EXOC3L1: variants seen among roughly 807,000 people sequenced by gnomAD.
The protein encoded by EXOC3L1 is exocyst complex component 3-like protein.
EXOC3L1 carries 79 observed loss-of-function variants against 83.6 expected under a neutral mutation model. The observed-to-expected ratio is 0.95, with a 90% CI of 0.79 to 1.14. The LOEUF is 1.14. Ranked by LOEUF, EXOC3L1 falls within the 50% of genes most tolerant of loss-of-function variation. The pLI is 0.00. For missense variants in EXOC3L1, 945 were observed against 972.0 expected, an observed-to-expected ratio of 0.97 and a Z score of 0.37; for synonymous variants, 433 against 451.2, an observed-to-expected ratio of 0.96 and a Z score of 0.51.
At chr16:67,186,190 C>G (rs749109095) in intron 9 of EXOC3L1, 47 bp downstream of exon 9, 4 of 1,312,206 alleles carry the variant, frequency 3.0e-6, no homozygotes, top group Non-Finnish European at 4.3e-6. Flanking sequence ...AATAGGTACT[C>G]AATAGGGGGT....
rs138980940 is a variant in EXOC3L1 at position 67,187,369 on chromosome 16, G to A, written c.896C>T (p.Pro299Leu). The change falls in exon 5 of 14, where the codon CCG becomes CTG. Residue 299 changes from proline (P) to leucine (L), a missense_variant. Pro to Leu is a moderately conservative substitution (Grantham distance 98, BLOSUM62 -3). Coordinates refer to ENST00000314586, the MANE Select transcript of EXOC3L1 (RefSeq NM_178516.4). ...TAGCTGGACCACGTTGTACTGTGGC[G>A]GGCAGCAAGGCGCTACTAGTGCCTC... ...TAEALVAPCC[P>L]PQYNVVQLWA... The A allele has an allele frequency of 2.6e-4, 414 of 1,612,636 alleles. 1 individual carries two copies. Among genetic ancestry groups the A allele is most frequent in the Non-Finnish European group, 3.2e-4 (383 of 1,180,002 alleles).
Position 67,189,969 on chromosome 16 carries a change from A to G in EXOC3L1, c.-8+2T>C. The G allele has an allele frequency of 2.4e-6, 1 of 424,876 alleles. No homozygotes were observed. The highest frequency in any genetic ancestry group is 4.3e-6 in the Non-Finnish European group (1 of 234,584). The allele number at this position is 424,876 out of a possible 1,614,324, so 26.3% of individuals were successfully genotyped here. On this transcript the variant is annotated splice_donor_variant, in intron 1 of 13. Transcript: ENST00000314586. LOFTEE classifies it low-confidence loss of function (5UTR_SPLICE). ...CACAGGACAGTTTGGTACAGAACTT[A>G]CCAGATTTGATCAGGCGTCCAGTTC...
At chr16:67,189,405 G>A (rs1047645286) in intron 2 of EXOC3L1, among the ~76,000 whole-genome samples, 6 of 152,136 alleles carry the variant, frequency 3.9e-5, no homozygotes, top group Non-Finnish European at 8.8e-5. Flanking sequence ...GTCTCCCGAG[G>A]AGCTGGGATT....
chr16:67,188,327 A>G (rs1254703650), intron 4 of EXOC3L1, among the ~76,000 whole-genome samples: 4 of 152,192 alleles, frequency 2.6e-5, no homozygotes, highest in African/African-American at 9.7e-5. Flanking sequence ...ATCTAAGAGG[A>G]TCTTGGCAAT....
Position 67,186,340 on chromosome 16 carries a change from C to T in EXOC3L1, c.1393G>A (p.Asp465Asn). The T allele has an allele frequency of 6.4e-7, 1 of 1,560,668 alleles. No individual in the cohort carries two copies. The highest frequency in any genetic ancestry group is 8.7e-7 in the Non-Finnish European group (1 of 1,151,486). ...ELGTFLRSFS[D>N]ALIRFSRDHF... is the part of the protein sequence containing the mutation. ...TCTCGGGAGAATCGGATCAGAGCAT[C>T]ACTGAAGCTGCAATGGGCAGAGGTG... Residue 465 changes from aspartate (D) to asparagine (N), a missense_variant, in exon 9 of 14, where the codon GAT becomes AAT. Asp to Asn is a conservative substitution (Grantham distance 23). Transcript: ENST00000314586.
intron 2 of EXOC3L1, 61 bp downstream of exon 2, chr16:67,189,570 C>G: frequency 6.3e-7 from 1 of 1,598,468 alleles, no homozygotes; most frequent in Non-Finnish European, 8.6e-7. Flanking sequence ...AGCCACTGCG[C>G]CCAGCCAGTC....
At position 67,189,145 on chromosome 16, in the gene EXOC3L1, G is replaced by C. The variant is rs1330487031; in HGVS notation, c.82C>G (p.Leu28Val). Reference protein sequence around the residue: ...EWPEQERAEQLARGAALKWAS... With the variant: ...EWPEQERAEQVARGAALKWAS... Reference sequence around the variant, plus strand: ...CACTTGAGCGCTGCACCCCGGGCCAGCTGCTCTGCCCGCTCCTGCTCTGGC... The same window carrying C: ...CACTTGAGCGCTGCACCCCGGGCCACCTGCTCTGCCCGCTCCTGCTCTGGC... Residue 28 changes from leucine to valine, a missense_variant, in exon 3 of 14, where the codon CTG becomes GTG. Physicochemically the swap from Leu to Val is conservative, Grantham distance 32 (BLOSUM62 1). Coordinates refer to ENST00000314586, the MANE Select transcript of EXOC3L1 (RefSeq NM_178516.4). The C allele has an allele frequency of 1.9e-6, 3 of 1,606,608 alleles. No homozygotes were observed. In the Admixed American group the frequency reaches 5.0e-5, roughly 27 times the overall value.
Position 67,189,063 on chromosome 16 carries a change from C to T in EXOC3L1, c.164G>A (p.Ser55Asn). ...EQLARLGQYR[S>N]REVQRTCSLE... ...GGAGCAGGTACGCTGCACCTCGCGG[C>T]TGCGGTACTGGCCTAGCCTGGCCAG... The change falls in exon 3 of 14, where the codon AGC (serine) becomes AAC (asparagine). Residue 55 changes from serine to asparagine, a missense_variant. By Grantham distance (46) the Ser-to-Asn change is conservative. Transcript: ENST00000314586. 1 of 1,607,254 alleles carries T rather than the reference C, an allele frequency of 6.2e-7. No homozygotes were observed. The highest frequency in any genetic ancestry group is 1.1e-5 in the South Asian group (1 of 90,640).
In EXOC3L1 at chr16:67,187,117, C is replaced by T; in HGVS notation, c.1062G>A (p.Leu354=). ...VYLGQEMMGS[L]ELGPEADVSQ... is the part of the protein sequence containing the mutation. ...ACACATCAGCCTCAGGCCCCAACTC[C>T]AGGCTCCCCATCATTTCCTGCCTGG... The change falls in exon 6 of 14, where the codon CTG becomes CTA. Residue 354 remains leucine (L), a synonymous_variant. Coordinates refer to ENST00000314586, the MANE Select transcript of EXOC3L1 (RefSeq NM_178516.4). 1.2e-6 allele frequency: 2 copies of T among 1,613,440 alleles called. No individual in the cohort carries two copies. Among genetic ancestry groups the T allele is most frequent in the East Asian group, 2.2e-5 (1 of 44,886 alleles).
chr16:67,189,880 G>C, intron 1 of EXOC3L1, 91 bp downstream of exon 1: 1 of 604,436 alleles, frequency 1.7e-6, no homozygotes, highest in Non-Finnish European at 3.0e-6. Flanking sequence ...TCGTGCCCCT[G>C]CAGATGTCAA....
Position 67,189,631 on chromosome 16 carries a change from C to T in EXOC3L1, c.46G>A (p.Gly16Arg), listed in dbSNP as rs764888580. Residue 16 changes from glycine (G) to arginine (R), a missense_variant and splice_region_variant, in exon 2 of 14, where the codon GGA becomes AGA. Gly to Arg is a moderately radical substitution (Grantham distance 125). Transcript: ENST00000314586. ...CCTAGTCCACCCAAAAGGTTCATAC[C>T]AGGGGACAACGCCGGCTGCATCTCA... ...KDEMQPALSP[G>R]PEWPEQERAE... 1 of 1,614,110 alleles carries T rather than the reference C, an allele frequency of 6.2e-7. No individual in the cohort carries two copies.
Position 67,184,780 on chromosome 16 carries a change from CCGGCGCGCAGTGCG to C in EXOC3L1, c.1922_1935del (p.Ala641GlyfsTer?). ...AGCAGCTCCCTCAGGGCGAGCAGCACCGGCGCGCAGTGCGCGTTCTCCTCCAGGCCCTGAGCACG... is the reference window on the plus strand; with the variant it reads ...AGCAGCTCCCTCAGGGCGAGCAGCACCGTTCTCCTCCAGGCCCTGAGCACG... On this transcript the variant is annotated frameshift_variant, in exon 13 of 14. Transcript: ENST00000314586. LOFTEE classifies it high-confidence loss of function. 6.3e-7 allele frequency: 1 copy of C among 1,599,674 alleles called. No homozygotes were observed. Among genetic ancestry groups the C allele is most frequent in the Non-Finnish European group, 8.5e-7 (1 of 1,178,152 alleles).
At chr16:67,189,585 C>A (rs2032826406) in intron 2 of EXOC3L1, 46 bp downstream of exon 2, 1 of 1,610,956 alleles carries the variant, frequency 6.2e-7, no homozygotes. Flanking sequence ...CCAGTCCCAT[C>A]TTTGTTGCCA....
At position 67,187,114 on chromosome 16, in the gene EXOC3L1, C is replaced by T; in HGVS notation, c.1065G>A (p.Glu355=). The T allele has an allele frequency of 2.5e-6, 4 of 1,613,506 alleles. No homozygotes were observed. The highest frequency in any genetic ancestry group is 3.4e-6 in the Non-Finnish European group (4 of 1,179,988). ...GGGACACATCAGCCTCAGGCCCCAA[C>T]TCCAGGCTCCCCATCATTTCCTGCC... ...YLGQEMMGSL[E]LGPEADVSQL... The change falls in exon 6 of 14, where the codon GAG becomes GAA. Residue 355 remains glutamate (E), a synonymous_variant. Coordinates refer to ENST00000314586, the MANE Select transcript of EXOC3L1 (RefSeq NM_178516.4).
chr16:67,184,503 G>C lies in EXOC3L1; in HGVS notation c.2132C>G (p.Pro711Arg), dbSNP rs991102592. 8 of 1,519,234 alleles carry C rather than the reference G, an allele frequency of 5.3e-6. No homozygotes were observed. In the African/African-American group the frequency reaches 1.1e-4, roughly 22 times the overall value. 94.1% of individuals were successfully genotyped at this position (1,519,234 alleles called of 1,614,324 possible). Residue 711 changes from proline (P) to arginine (R), a missense_variant, in exon 14 of 14, where the codon CCC becomes CGC. Pro to Arg is a moderately radical substitution (Grantham distance 103). Transcript: ENST00000314586. ...SSLQAALPPS[P>R]RASRRVLFSL... ...GAAGAGGACGCGGCGGCTCGCGCGG[G>C]GCGACGGCGGCAGCGCAGCCTGCAG...
At position 67,189,012 on chromosome 16, in the gene EXOC3L1, A is replaced by G; in HGVS notation, c.207+8T>C. ...TCCCAGCACCCGCACCCCCTGCCCCATGCCCACCTTGAGGCGCGATTCCAG... is the reference window on the plus strand; with the variant it reads ...TCCCAGCACCCGCACCCCCTGCCCCGTGCCCACCTTGAGGCGCGATTCCAG... On this transcript the variant is annotated splice_region_variant and intron_variant, in intron 3 of 13. Transcript: ENST00000314586. The G allele has an allele frequency of 6.2e-7, 1 of 1,604,102 alleles. No homozygotes were observed. Among genetic ancestry groups the G allele is most frequent in the South Asian group, 1.1e-5 (1 of 90,690 alleles).
rs1399513305 is a variant in EXOC3L1, at chr16:67,186,275, G to C, written c.1458C>G (p.Pro486=). The part of the protein sequence containing the change: ...RGKSMAPHYV[P]YLLAALNHKS... ...TGTGGTTGAGGGCGGCCAGTAGGTA[G>C]GGCACGTAATGAGGGGCCATTGATT... The change falls in exon 9 of 14, where the codon CCC becomes CCG. Residue 486 remains proline, a synonymous_variant. Coordinates refer to ENST00000314586, the MANE Select transcript of EXOC3L1 (RefSeq NM_178516.4). 25 of 1,578,970 alleles carry C rather than the reference G, an allele frequency of 1.6e-5. No homozygotes were observed. The highest frequency in any genetic ancestry group is 2.0e-5 in the Non-Finnish European group (23 of 1,161,454).
rs555234021 is a variant in EXOC3L1 at position 67,184,776 on chromosome 16, A to G, written c.1940T>C (p.Leu647Pro). 1.9e-6 allele frequency: 3 copies of G among 1,599,058 alleles called. No individual in the cohort carries two copies. Among genetic ancestry groups the G allele is most frequent in the African/African-American group, 1.3e-5 (1 of 74,970 alleles). Residue 647 changes from leucine (L) to proline (P), a missense_variant, in exon 13 of 14, where the codon CTG becomes CCG. Coordinates refer to ENST00000314586, the MANE Select transcript of EXOC3L1 (RefSeq NM_178516.4). ...GTTTAGCAGCTCCCTCAGGGCGAGC[A>G]GCACCGGCGCGCAGTGCGCGTTCTC... ...LEENAHCAPVLLALRELLNLR... is the reference protein window; with the variant it reads ...LEENAHCAPVPLALRELLNLR...
Position 67,185,069 on chromosome 16 carries a change from C to G in EXOC3L1, c.1750-12G>C. Reference sequence around the variant, plus strand: ...TCAGCCAGCAGCAGCTGCGGGGAGGCAATCAGGCGGGTGCAGGTCGCCTCT... The same window carrying G: ...TCAGCCAGCAGCAGCTGCGGGGAGGGAATCAGGCGGGTGCAGGTCGCCTCT... On this transcript the variant is annotated splice_polypyrimidine_tract_variant and intron_variant, in intron 11 of 13. Coordinates refer to ENST00000314586, the MANE Select transcript of EXOC3L1 (RefSeq NM_178516.4). The G allele has an allele frequency of 6.2e-7, 1 of 1,610,528 alleles. No individual in the cohort carries two copies.
Sources: allele counts gnomAD v4.1 joint callset (sites outside exome capture counted in the v4.1 genomes callset), GRCh38; gene constraint gnomAD v4.1.1; transcripts MANE v1.5; gene names NCBI Gene and HGNC (gene_info 2026-07-23, HGNC 2026-07-21).